Variants in CLEC16A observed in about 807,000 individuals in gnomAD.
CLEC16A encodes protein CLEC16A.
In CLEC16A, 51 loss-of-function variants were observed where a neutral mutation model predicts 109.5. The observed-to-expected ratio is 0.47, with a 90% CI of 0.37 to 0.59. The LOEUF (loss-of-function observed/expected upper bound fraction) is 0.59, where lower values mean the gene tolerates loss of function less well. Ranked by LOEUF, CLEC16A falls within the 20% of genes least tolerant of loss-of-function variation. CLEC16A has a pLI of 0.00. For missense variants in CLEC16A, 1,339 were observed against 1,394.0 expected (o/e 0.96, Z 0.63); for synonymous variants, 673 against 564.2 (o/e 1.19, Z -2.73).
chr16:11,022,247 G>T (rs114650844), intron 12 of CLEC16A, among the ~76,000 whole-genome samples: 2 of 151,718 alleles, frequency 1.3e-5, no homozygotes, highest in Non-Finnish European at 2.9e-5. Flanking sequence ...TCAAGGTATC[G>T]AGTTGCAGCT....
chr16:10,988,893 A>G (rs1181868424), intron 10 of CLEC16A, among the ~76,000 whole-genome samples: 1 of 152,240 alleles, frequency 6.6e-6, no homozygotes, highest in Non-Finnish European at 1.5e-5. Flanking sequence ...TGTTATCATT[A>G]TAATGACCTT....
intron 13 of CLEC16A, chr16:11,027,347 A>G: frequency 2.1e-6 from 3 of 1,415,332 alleles, no homozygotes; most frequent in South Asian, 1.1e-5. Context: ...GAACCATTGC[A>G]AGACTTTGCC....
intron 18 of CLEC16A, among the ~76,000 whole-genome samples, chr16:11,052,948 C>T (rs925535410): frequency 1.3e-4 from 20 of 152,048 alleles, no homozygotes; most frequent in African/African-American, 4.6e-4. Context: ...TCCTGGAGTG[C>T]AGTGTTGCGA....
intron 9 of CLEC16A, among the ~76,000 whole-genome samples, 157 bp downstream of exon 9, chr16:10,979,539 A>G (rs2043206171): frequency 6.6e-6 from 1 of 152,162 alleles, no homozygotes; most frequent in Non-Finnish European, 1.5e-5. Context: ...TCTGTTTTCC[A>G]GGTACTAAAT....
chr16:11,117,997 A>G (rs2052128355), intron 19 of CLEC16A, among the ~76,000 whole-genome samples: 1 of 151,862 alleles, frequency 6.6e-6, no homozygotes, highest in South Asian at 2.1e-4. Context: ...TTTTTTAGAC[A>G]GGGTCTCGCT....
chr16:10,995,627 C>T, intron 10 of CLEC16A, among the ~76,000 whole-genome samples: 1 of 152,144 alleles, frequency 6.6e-6, no homozygotes, highest in East Asian at 1.9e-4. Context: ...CCCCTTGTAC[C>T]AGGCATTTTG....
chr16:10,957,930 G>A lies in CLEC16A; in HGVS notation c.209+20G>A. 6.2e-7 allele frequency: 1 copy of A among 1,608,982 alleles called. No individual in the cohort carries two copies. The highest frequency in any genetic ancestry group is 8.5e-7 in the Non-Finnish European group (1 of 1,176,510). ...ATTTGAGTAAGGGTTTCTAATGATT[G>A]CTGTTCTTTGATTATTCTTCTTTGA... is the stretch of plus-strand genomic sequence containing the variant. On this transcript the variant is annotated intron_variant, in intron 2 of 23. Coordinates refer to ENST00000409790, the MANE Select transcript of CLEC16A (RefSeq NM_015226.3).
rs145444821 is a variant in CLEC16A at position 11,093,959 on chromosome 16, G to A, written c.2117-26656G>A. ...ATGGGGCAGGCTTGGTTAGAAGGGA[G>A]GACCCACAGGCTTCCTAGCCTGTTG... is the stretch of plus-strand genomic sequence containing the variant. On this transcript the variant is annotated intron_variant, in intron 19 of 23. Coordinates refer to ENST00000409790, the MANE Select transcript of CLEC16A (RefSeq NM_015226.3). 4.4e-3 allele frequency among the ~76,000 whole-genome samples: 670 copies of A among 152,268 alleles called. 9 individuals carry two copies. Among genetic ancestry groups the A allele is most frequent in the African/African-American group, 0.015 (644 of 41,554 alleles).
At chr16:10,953,647 T>C (rs1335432278) in intron 1 of CLEC16A, among the ~76,000 whole-genome samples, 3 of 152,050 alleles carry the variant, frequency 2.0e-5, no homozygotes, top group Non-Finnish European at 4.4e-5. Context: ...TCAGAGTATA[T>C]AAAGAAAAGC....
intron 19 of CLEC16A, among the ~76,000 whole-genome samples, chr16:11,088,011 A>G (rs1342807239): frequency 6.6e-6 from 1 of 152,232 alleles, no homozygotes. Context: ...AGAGTTTCAG[A>G]GCTCTTGCTA....
chr16:11,093,193 G>C (rs1014077083), intron 19 of CLEC16A, among the ~76,000 whole-genome samples: 1 of 152,218 alleles, frequency 6.6e-6, no homozygotes, highest in Non-Finnish European at 1.5e-5. Context: ...AGCTAGACCT[G>C]CTCAGCACAG....
intron 13 of CLEC16A, among the ~76,000 whole-genome samples, chr16:11,031,647 T>C (rs562551572): frequency 7.2e-5 from 11 of 152,228 alleles, no homozygotes; most frequent in Non-Finnish European, 1.5e-4. Context: ...GGGATCAGTA[T>C]TGGGGATGCA....
At chr16:11,156,434 A>C in intron 22 of CLEC16A, 1 of 321,334 alleles carries the variant, frequency 3.1e-6, no homozygotes, top group Non-Finnish European at 6.0e-6. Context: ...TTGGGGGGCC[A>C]TCCTTTGCAA....
At chr16:11,002,314 A>G (rs1468961305) in intron 10 of CLEC16A, among the ~76,000 whole-genome samples, 4 of 152,166 alleles carry the variant, frequency 2.6e-5, no homozygotes, top group African/African-American at 9.7e-5. Context: ...CCTTACACAA[A>G]CAGCTAATAT....
intron 10 of CLEC16A, among the ~76,000 whole-genome samples, chr16:10,988,068 A>G (rs1337576930): frequency 2.0e-5 from 3 of 152,264 alleles, no homozygotes; most frequent in Middle Eastern, 3.2e-3. Context: ...AATTCTTGCT[A>G]TAATTCGAAT....
intron 16 of CLEC16A, among the ~76,000 whole-genome samples, chr16:11,045,556 G>C (rs1417917973): frequency 3.9e-4 from 60 of 152,110 alleles, no homozygotes; most frequent in Admixed American, 3.5e-3. Flanking sequence ...GGTGGGGGGT[G>C]GTGGGGAGCA....
At chr16:11,042,717 G>A (rs1435962275) in intron 15 of CLEC16A, among the ~76,000 whole-genome samples, 3 of 151,932 alleles carry the variant, frequency 2.0e-5, no homozygotes, top group African/African-American at 2.4e-5. Flanking sequence ...TATGGTTTTT[G>A]TGTTTAAAAT....
intron 19 of CLEC16A, among the ~76,000 whole-genome samples, chr16:11,076,172 C>T (rs1226036220): frequency 6.6e-6 from 1 of 152,226 alleles, no homozygotes; most frequent in Non-Finnish European, 1.5e-5. Context: ...TCAGACCCTT[C>T]AGTGGTCCTG....
intron 9 of CLEC16A, among the ~76,000 whole-genome samples, chr16:10,981,557 A>G (rs1241045556): frequency 3.3e-5 from 5 of 152,266 alleles, no homozygotes; most frequent in Non-Finnish European, 5.9e-5. Flanking sequence ...CAAACAGTAC[A>G]AAACATGGCA....
Sources: allele counts gnomAD v4.1 joint callset (sites outside exome capture counted in the v4.1 genomes callset), GRCh38; gene constraint gnomAD v4.1.1; transcripts MANE v1.5; gene names NCBI Gene and HGNC (gene_info 2026-07-23, HGNC 2026-07-21).